NF2: variants seen among roughly 807,000 people sequenced by gnomAD.
NF2 encodes the protein NF2, moesin-ezrin-radixin like (MERLIN) tumor suppressor.
In NF2, 8 loss-of-function variants were observed where a neutral mutation model predicts 83.7. The observed-to-expected ratio is 0.10, with a 90% CI of 0.06 to 0.17. The LOEUF (loss-of-function observed/expected upper bound fraction) is 0.17. Among genes scored for constraint, NF2 ranks in the 10% least tolerant of loss-of-function variants. The probability of loss-of-function intolerance (pLI) is 1.00; values close to 1 mark genes in which losing one functional copy is unlikely to be tolerated. For missense variants in NF2, 533 were observed against 744.4 expected (o/e 0.72, Z 3.31); for synonymous variants, 266 against 269.6 (o/e 0.99, Z 0.13).
chr22:29,691,847 AAAG>A (rs1273629068), intron 15 of NF2, among the ~76,000 whole-genome samples: 26 of 152,242 alleles, frequency 1.7e-4, no homozygotes, highest in Admixed American at 1.6e-3. Context: ...TACCTGCAGG[AAAG>A]AAGCTCAAGG....
At chr22:29,679,161 T>G (rs1036945821) in intron 14 of NF2, among the ~76,000 whole-genome samples, 1 of 152,328 alleles carries the variant, frequency 6.6e-6, no homozygotes, top group East Asian at 1.9e-4. Flanking sequence ...TTAGAGAGTT[T>G]AGTGAACTCC....
At chr22:29,618,630 G>A (rs1330956730) in intron 1 of NF2, among the ~76,000 whole-genome samples, 2 of 152,124 alleles carry the variant, frequency 1.3e-5, no homozygotes, top group Non-Finnish European at 2.9e-5. Flanking sequence ...ATCTAGGCTG[G>A]AATTTTACTC....
intron 15 of NF2, chr22:29,683,690 C>G (rs2067207280): frequency 9.3e-7 from 1 of 1,073,440 alleles, no homozygotes; most frequent in Admixed American, 4.8e-5. Flanking sequence ...GCTCAGCCAC[C>G]TCTGCTTCAG....
At chr22:29,683,976 A>G in intron 15 of NF2, 1 of 981,382 alleles carries the variant, frequency 1.0e-6, no homozygotes, top group Non-Finnish European at 1.2e-6. Flanking sequence ...TGACAGCAGC[A>G]TAGGATGTGT....
chr22:29,657,292 A>C (rs2066340920), intron 6 of NF2, among the ~76,000 whole-genome samples: 1 of 152,132 alleles, frequency 6.6e-6, no homozygotes, highest in African/African-American at 2.4e-5. Context: ...GGCATGTGGC[A>C]ATAGTTTTCT....
At chr22:29,692,453 T>C (rs1009148) in intron 15 of NF2, among the ~76,000 whole-genome samples, 14,332 of 152,264 alleles carry the variant, frequency 0.094, 1,056 homozygotes, top group East Asian at 0.38. Context: ...CACTGGAATC[T>C]GGTGCTGCTG....
chr22:29,688,916 T>G (rs1040183060), intron 15 of NF2, among the ~76,000 whole-genome samples: 1 of 152,132 alleles, frequency 6.6e-6, no homozygotes, highest in African/African-American at 2.4e-5. Flanking sequence ...CGCGGTGGCT[T>G]ATGCCTGTAA....
chr22:29,638,960 C>CA, intron 2 of NF2, 130 bp from the exon 3 acceptor site: 3 of 1,350,686 alleles, frequency 2.2e-6, no homozygotes, highest in Non-Finnish European at 3.1e-6. Context: ...TGTAAAATCA[C>CA]AACTTTCAGG....
At chr22:29,642,108 C>T (rs2065826551) in intron 3 of NF2, 94 bp from the exon 4 acceptor site, 1 of 1,031,522 alleles carries the variant, frequency 9.7e-7, no homozygotes, top group Admixed American at 1.8e-5. Flanking sequence ...TCTGGCAGCC[C>T]TCATTAGAAC....
intron 13 of NF2, among the ~76,000 whole-genome samples, chr22:29,675,483 T>C (rs1464897396): frequency 6.6e-6 from 1 of 151,914 alleles, no homozygotes; most frequent in African/African-American, 2.4e-5. Flanking sequence ...TGGCATTTTT[T>C]TTTTTTTCAT....
At chr22:29,605,812 CTG>C (rs1320445813) in intron 1 of NF2, among the ~76,000 whole-genome samples, 2 of 152,148 alleles carry the variant, frequency 1.3e-5, no homozygotes, top group South Asian at 2.1e-4. Context: ...CTATTGCAAA[CTG>C]TAATACCGGG....
chr22:29,616,557 A>G (rs1344415580), intron 1 of NF2, among the ~76,000 whole-genome samples: 14 of 152,168 alleles, frequency 9.2e-5, no homozygotes, highest in Admixed American at 9.2e-4. Flanking sequence ...AGCCTGGCCA[A>G]TATGTAAAAC....
chr22:29,689,610 G>A (rs903498959), intron 15 of NF2, among the ~76,000 whole-genome samples: 2 of 151,974 alleles, frequency 1.3e-5, no homozygotes, highest in Non-Finnish European at 1.5e-5. Flanking sequence ...GAATGAGATG[G>A]TCCCCTCCTA....
At chr22:29,624,811 TTCTTTCTTTCTTTCTTTC>T in intron 1 of NF2, among the ~76,000 whole-genome samples, 1 of 79,668 alleles carries the variant, frequency 1.3e-5, no homozygotes. Context: ...CTTTCTTTCT[TTCTTTCTTTCTTTCTTTC>T]TTTCTTTCTT....
intron 13 of NF2, among the ~76,000 whole-genome samples, chr22:29,676,977 C>T (rs1390180895): frequency 6.6e-6 from 1 of 152,144 alleles, no homozygotes. Flanking sequence ...ACAGGACATC[C>T]CTGGCACCCA....
In NF2 at chr22:29,603,929, C is replaced by T; in HGVS notation, c.-70C>T. 7.8e-7 allele frequency: 1 copy of T among 1,278,684 alleles called. No individual in the cohort carries two copies. The allele number at this position is 1,278,684 out of a possible 1,614,324, so 79.2% of individuals were successfully genotyped here. On this transcript the variant is annotated 5_prime_UTR_variant, in exon 1 of 16. Coordinates refer to ENST00000338641, the MANE Select transcript of NF2 (RefSeq NM_000268.4). ...GGTGGCCCTGAGGCCTGTGCAGCAA[C>T]TCCAGGGGGGCTAAAGGGCTCAGAG...
intron 4 of NF2, among the ~76,000 whole-genome samples, chr22:29,652,390 C>T (rs952807385): frequency 5.9e-5 from 9 of 152,136 alleles, no homozygotes; most frequent in East Asian, 1.9e-4. Flanking sequence ...CTGCAACCTC[C>T]GCCTCCCGGG....
At chr22:29,663,021 A>G (rs916265122) in intron 8 of NF2, among the ~76,000 whole-genome samples, 1 of 152,208 alleles carries the variant, frequency 6.6e-6, no homozygotes, top group Non-Finnish European at 1.5e-5. Flanking sequence ...TTTCCAGTAT[A>G]TGGTTGGGAT....
At chr22:29,682,696 G>A (rs535496893) in intron 15 of NF2, among the ~76,000 whole-genome samples, 2 of 152,292 alleles carry the variant, frequency 1.3e-5, no homozygotes, top group East Asian at 3.9e-4. Context: ...TAAGGAAAGA[G>A]GTAAAACGAT....
Sources: gnomAD v4.1 joint callset for allele counts (sites outside exome capture counted in the v4.1 genomes callset) on GRCh38, gnomAD v4.1.1 for gene constraint, MANE v1.5 for transcripts, NCBI Gene and HGNC (gene_info 2026-07-23, HGNC 2026-07-21) for gene names.